The following FBXL16 variants were observed in gnomAD, a reference collection of about 807,000 sequenced individuals.
The protein encoded by FBXL16 is F-box and leucine rich repeat protein 16.
A neutral mutation model predicts 36.7 loss-of-function variants in FBXL16; 7 were observed. That is an observed-to-expected ratio of 0.19 (90% CI 0.11 to 0.36). The LOEUF is 0.36. Among genes scored for constraint, FBXL16 ranks in the 10% least tolerant of loss-of-function variants. The pLI, the probability that FBXL16 is intolerant of heterozygous loss-of-function variation, is 1.00. For missense variants in FBXL16, 463 were observed against 659.4 expected (o/e 0.70, Z 3.26); for synonymous variants, 355 against 308.7 (o/e 1.15, Z -1.57).
rs1398100506 is a variant in FBXL16, at chr16:697,902, C to T, written c.-14-483G>A. 6.6e-6 allele frequency among the ~76,000 whole-genome samples: 1 copy of T among 151,454 alleles called. No individual in the cohort carries two copies. Among genetic ancestry groups the T allele is most frequent in the Non-Finnish European group, 1.5e-5 (1 of 67,922 alleles). On this transcript the variant is annotated intron_variant, in intron 1 of 5. Coordinates refer to ENST00000397621, the MANE Select transcript of FBXL16 (RefSeq NM_153350.4). The surrounding 1 kb of genome is among the most constrained non-coding windows in gnomAD (Gnocchi z 4.6). Reference sequence around the variant, plus strand: ...GTAGTACCAGCTACTTGGGAGGCTGCAGCAGGAGAATGACGTGAACCCGGG... The same window carrying T: ...GTAGTACCAGCTACTTGGGAGGCTGTAGCAGGAGAATGACGTGAACCCGGG...
chr16:697,038 G>A lies in FBXL16; in HGVS notation c.368C>T (p.Ala123Val). ...GGGCTGGTACAGCACGCGCCGCCAG[G>A]CCTTGCACACCTGGGCCAGCACACA... ...EKCVLAQVCKAWRRVLYQPKF... is the reference protein window; with the variant it reads ...EKCVLAQVCKVWRRVLYQPKF... Residue 123 changes from alanine (A) to valine (V), a missense_variant, in exon 2 of 6, where the codon GCC (alanine) becomes GTC (valine). Transcript: ENST00000397621. This position sits in a 1 kb window ranked among gnomAD's most constrained non-coding sequence, Gnocchi z 4.6. The A allele has an allele frequency of 1.3e-6, 2 of 1,598,744 alleles. No individual in the cohort carries two copies. Among genetic ancestry groups the A allele is most frequent in the East Asian group, 2.2e-5 (1 of 44,626 alleles).
intron 1 of FBXL16, among the ~76,000 whole-genome samples, chr16:699,672 C>T (rs1017933099): frequency 6.6e-6 from 1 of 152,170 alleles, no homozygotes; most frequent in Admixed American, 6.5e-5. Context: ...GCATCTTCCC[C>T]GGTCTTAGGT....
intron 2 of FBXL16, 24 bp downstream of exon 2, chr16:696,749 G>A: frequency 3.6e-6 from 5 of 1,381,584 alleles, no homozygotes; most frequent in South Asian, 1.9e-5. Flanking sequence ...CCCCAGCCCT[G>A]TCCCCCCCGA....
chr16:704,025 A>G (rs1463932254), intron 1 of FBXL16, among the ~76,000 whole-genome samples: 1 of 152,228 alleles, frequency 6.6e-6, no homozygotes, highest in Non-Finnish European at 1.5e-5. Flanking sequence ...CTCCTCCTGC[A>G]CCACTGGTGG....
At position 695,651 on chromosome 16, in the gene FBXL16, G is replaced by C. The variant is rs779715251; in HGVS notation, c.906C>G (p.Leu302=). The change falls in exon 3 of 6, where the codon CTC becomes CTG. Residue 302 remains leucine, a synonymous_variant. Transcript: ENST00000397621. ...QGHSTHTLRL[L]SCWEITNHGV... Reference sequence around the variant, plus strand: ...CGTGGTTGGTGATCTCCCAGCAGGAGAGCAGGCGCAGCGTGTGCGTGCTGT... The same window carrying C: ...CGTGGTTGGTGATCTCCCAGCAGGACAGCAGGCGCAGCGTGTGCGTGCTGT... 2.5e-6 allele frequency: 4 copies of C among 1,606,688 alleles called. No homozygotes were observed. The highest frequency in any genetic ancestry group is 3.4e-6 in the Non-Finnish European group (4 of 1,179,212).
At chr16:702,194 C>A (rs1255299978) in intron 1 of FBXL16, among the ~76,000 whole-genome samples, 1 of 152,188 alleles carries the variant, frequency 6.6e-6, no homozygotes, top group Non-Finnish European at 1.5e-5. Context: ...GCTCCGGCCC[C>A]TTCCCAGCCC....
At chr16:701,946 G>A (rs2151522514) in intron 1 of FBXL16, among the ~76,000 whole-genome samples, 1 of 152,322 alleles carries the variant, frequency 6.6e-6, no homozygotes, top group Non-Finnish European at 1.5e-5. Context: ...TCAGCAGCCT[G>A]AGCCTGGCCT....
Position 695,015 on chromosome 16 carries a change from G to A in FBXL16, c.1204C>T (p.Leu402Phe). The change falls in exon 4 of 6, where the codon CTC becomes TTC. Residue 402 changes from leucine to phenylalanine, a missense_variant. Transcript: ENST00000397621. Reference protein sequence around the residue: ...YLSTMSSLRSLYLRWCCQVQD... With the variant: ...YLSTMSSLRSFYLRWCCQVQD... The stretch of plus-strand genomic sequence containing the variant: ...ACCTGGCAGCACCATCGCAGGTAGA[G>A]GCTGCGGAGGGACGACATGGTGGAC... The A allele has an allele frequency of 6.4e-7, 1 of 1,563,972 alleles. No individual in the cohort carries two copies. Among genetic ancestry groups the A allele is most frequent in the Non-Finnish European group, 8.7e-7 (1 of 1,149,900 alleles).
Position 694,204 on chromosome 16 carries a change from G to C in FBXL16, c.*71C>G, listed in dbSNP as rs2039992480. The C allele has an allele frequency of 2.6e-6, 3 of 1,133,312 alleles. No individual in the cohort carries two copies. The highest frequency in any genetic ancestry group is 4.3e-5 in the South Asian group (1 of 23,260). The allele number at this position is 1,133,312 out of a possible 1,614,324, so 70.2% of individuals were successfully genotyped here. On this transcript the variant is annotated 3_prime_UTR_variant, in exon 6 of 6. Coordinates refer to ENST00000397621, the MANE Select transcript of FBXL16 (RefSeq NM_153350.4). ...CCCCCGAGCGCAAGGCGGGAAGAGG[G>C]GGCTCGGCGGCGCCCCGCGCCCCCG...
At chr16:700,816 C>A (rs1045470344) in intron 1 of FBXL16, among the ~76,000 whole-genome samples, 1 of 152,052 alleles carries the variant, frequency 6.6e-6, no homozygotes, top group Non-Finnish European at 1.5e-5. Flanking sequence ...GCCCCAGCCG[C>A]GCGCTCAGGG....
intron 1 of FBXL16, among the ~76,000 whole-genome samples, chr16:702,341 GC>G (rs1567300031): frequency 6.6e-6 from 1 of 152,120 alleles, no homozygotes; most frequent in East Asian, 1.9e-4. Context: ...AGTTCCTGGT[GC>G]GAGGTCGCCC....
At chr16:694,538 G>A in intron 5 of FBXL16, 96 bp downstream of exon 5, 3 of 1,517,468 alleles carry the variant, frequency 2.0e-6, no homozygotes, top group East Asian at 2.5e-5. Flanking sequence ...GTCCGCGCCG[G>A]GTGTGAGTTT....
chr16:695,071 A>G lies in FBXL16; in HGVS notation c.1148T>C (p.Val383Ala), dbSNP rs1222326857. The G allele has an allele frequency of 1.2e-6, 2 of 1,608,108 alleles. No individual in the cohort carries two copies. The highest frequency in any genetic ancestry group is 2.3e-5 in the East Asian group (1 of 44,384). ...RLEELVLDRC[V>A]RITDTGLSYL... ...GCTGAGGCCAGTGTCCGTGATGCGT[A>G]CACACCTGTGGTTGCACCAGAGGGG... The change falls in exon 4 of 6, where the codon GTA becomes GCA. Residue 383 changes from valine (V) to alanine (A), a missense_variant. This residue lies in a region of FBXL16 where 134 missense variants were observed against 172.0 expected (regional missense o/e 0.78). Transcript: ENST00000397621.
In FBXL16 at chr16:696,756, C is replaced by T; in HGVS notation, c.633+17G>A. ...CCCCTGCCCCCCAGCCCTGTCCCCC[C>T]CGAGCCTGGTGCACACCTCGAGGCC... On this transcript the variant is annotated intron_variant, in intron 2 of 5. Coordinates refer to ENST00000397621, the MANE Select transcript of FBXL16 (RefSeq NM_153350.4). 8 of 1,412,666 alleles carry T rather than the reference C, an allele frequency of 5.7e-6. No homozygotes were observed. Among genetic ancestry groups the T allele is most frequent in the Non-Finnish European group, 7.4e-6 (8 of 1,075,704 alleles). 87.5% of individuals were successfully genotyped at this position (1,412,666 alleles called of 1,614,324 possible). A position where few individuals can be genotyped will look rare whatever the true frequency, so the allele number is the denominator to read the frequency against.
Position 697,124 on chromosome 16 carries a change from C to T in FBXL16, c.282G>A (p.Pro94=), listed in dbSNP as rs148930772. 6.4e-5 allele frequency: 102 copies of T among 1,604,968 alleles called. No homozygotes were observed. Among genetic ancestry groups the T allele is most frequent in the Admixed American group, 6.8e-5 (4 of 59,172 alleles). The change falls in exon 2 of 6, where the codon CCG becomes CCA. Residue 94 remains proline, a synonymous_variant. Transcript: ENST00000397621. This position sits in a 1 kb window ranked among gnomAD's most constrained non-coding sequence, Gnocchi z 4.6. ...TGAGGATCTTCTCGTCCGTGGCCAG[C>T]GGCGGCCGCTCCGCTGGGTGCCCAG... The part of the protein sequence containing the change: ...LAPGHPAERP[P]LATDEKILNG...
At position 692,925 on chromosome 16, in the gene FBXL16, C is replaced by G. The variant is rs2039981831; in HGVS notation, c.*1350G>C. On this transcript the variant is annotated 3_prime_UTR_variant, in exon 6 of 6. Transcript: ENST00000397621. Reference sequence around the variant, plus strand: ...TTTCTCTCTCTCTCTCACTCTCTTTCTCTCTCTCACTCTCTGGCTCTCTGG... The same window carrying G: ...TTTCTCTCTCTCTCTCACTCTCTTTGTCTCTCTCACTCTCTGGCTCTCTGG... The G allele has an allele frequency of 6.6e-6, 1 of 152,348 alleles. No individual in the cohort carries two copies. Among genetic ancestry groups the G allele is most frequent in the Non-Finnish European group, 1.5e-5 (1 of 68,046 alleles). 9.4% of individuals were successfully genotyped at this position (152,348 alleles called of 1,614,324 possible).
chr16:696,061 C>A (rs532836569), intron 2 of FBXL16, 138 bp from the exon 3 acceptor site: 8 of 1,309,460 alleles, frequency 6.1e-6, no homozygotes, highest in Non-Finnish European at 8.1e-6. Context: ...GGCATCGGGA[C>A]GAGAGCCCAG....
chr16:698,913 C>CAAAAAA (rs767619638), intron 1 of FBXL16, among the ~76,000 whole-genome samples: 43 of 89,576 alleles, frequency 4.8e-4, no homozygotes, highest in African/African-American at 1.5e-3. Context: ...GACTTTGTCT[C>CAAAAAA]AAAAAAAAAA....
At chr16:700,030 C>T (rs997780876) in intron 1 of FBXL16, among the ~76,000 whole-genome samples, 2 of 152,034 alleles carry the variant, frequency 1.3e-5, no homozygotes, top group Non-Finnish European at 2.9e-5. Flanking sequence ...ATAATCTGGT[C>T]AGGGGGGAGG....
Sources: gnomAD v4.1 joint callset for allele counts (sites outside exome capture counted in the v4.1 genomes callset) on GRCh38, gnomAD v4.1.1 for gene constraint, gnomAD v4.1.1 regional missense constraint, Gnocchi (gnomAD v3.1) non-coding constraint, MANE v1.5 for transcripts, NCBI Gene and HGNC (gene_info 2026-07-23, HGNC 2026-07-21) for gene names.